TRHDE: variants seen among roughly 807,000 people sequenced by gnomAD.
The protein encoded by TRHDE is thyrotropin releasing hormone degrading enzyme.
A neutral mutation model predicts 125.7 loss-of-function variants in TRHDE; 72 were observed. That is an observed-to-expected ratio of 0.57 (90% confidence interval 0.47 to 0.70). The LOEUF is 0.70. Among genes scored for constraint, TRHDE ranks in the 30% least tolerant of loss-of-function variants. The pLI is 0.00. For synonymous variants in TRHDE, 509 were observed against 509.1 expected, an observed-to-expected ratio of 1.00 and a Z score of 0.00; for missense variants, 1,110 against 1,327.1, an observed-to-expected ratio of 0.84 and a Z score of 2.54.
intron 2 of TRHDE, among the ~76,000 whole-genome samples, chr12:72,376,174 T>C: frequency 6.6e-6 from 1 of 152,198 alleles, no homozygotes; most frequent in East Asian, 1.9e-4. Flanking sequence ...CTCACCAGCG[T>C]AATTCACACT....
At chr12:72,260,728 G>C (rs1878931493) in intron 2 of TRHDE, among the ~76,000 whole-genome samples, 1 of 152,100 alleles carries the variant, frequency 6.6e-6, no homozygotes, top group Non-Finnish European at 1.5e-5. Flanking sequence ...GAAGGGAGTA[G>C]TAAGGGCCAA....
chr12:72,125,475 A>C (rs950552707), intron 2 of TRHDE, among the ~76,000 whole-genome samples: 2 of 152,126 alleles, frequency 1.3e-5, no homozygotes, highest in South Asian at 4.2e-4. Context: ...ACCAGGCAAG[A>C]ACTTCACCCA....
chr12:72,640,136 C>T (rs898555398), intron 15 of TRHDE, among the ~76,000 whole-genome samples: 1 of 152,236 alleles, frequency 6.6e-6, no homozygotes, highest in Non-Finnish European at 1.5e-5. Context: ...TCTCAGACTG[C>T]TGTGCTAGCA....
chr12:72,135,895 G>T (rs1875974597), intron 2 of TRHDE, among the ~76,000 whole-genome samples: 1 of 151,976 alleles, frequency 6.6e-6, no homozygotes, highest in South Asian at 2.1e-4. Context: ...TGACATCACG[G>T]TACTGGGCAG....
chr12:72,584,586 T>G (rs1871367349), intron 12 of TRHDE, among the ~76,000 whole-genome samples: 1 of 152,204 alleles, frequency 6.6e-6, no homozygotes, highest in Non-Finnish European at 1.5e-5. Flanking sequence ...TGGCAACCAC[T>G]GTTCTAGTCT....
intron 18 of TRHDE, among the ~76,000 whole-genome samples, chr12:72,658,750 G>C (rs1197622912): frequency 2.0e-5 from 3 of 152,124 alleles, no homozygotes; most frequent in African/African-American, 4.8e-5. Context: ...CTAAATTATG[G>C]CTTTTATTTC....
intron 2 of TRHDE, among the ~76,000 whole-genome samples, chr12:72,305,058 TA>T (rs1868319955): frequency 6.6e-6 from 1 of 152,162 alleles, no homozygotes; most frequent in African/African-American, 2.4e-5. Context: ...TAACTTTTTC[TA>T]TTAGAATACT....
Position 72,263,544 on chromosome 12 carries a change from G to A in TRHDE, n.280-114451G>A, listed in dbSNP as rs1484352130. ...GCATCTTTTAATTTGCTCCTATACC[G>A]AATCCATAGGAAACTGGATATATGT... is the stretch of plus-strand genomic sequence containing the variant. On this transcript the variant is annotated intron_variant and non_coding_transcript_variant, in intron 2 of 4. Transcript: ENST00000548156. The A allele has an allele frequency of 4.6e-5, 7 of 152,130 alleles. No homozygotes were observed. In the South Asian group the frequency reaches 1.0e-3, roughly 22 times the overall value. The allele number at this position is 152,130 out of a possible 1,614,324, so 9.4% of individuals were successfully genotyped here. A position where few individuals can be genotyped will look rare whatever the true frequency, so the allele number is the denominator to read the frequency against.
chr12:72,427,219 A>G (rs962115748), intron 3 of TRHDE, among the ~76,000 whole-genome samples: 5 of 152,082 alleles, frequency 3.3e-5, no homozygotes, highest in African/African-American at 1.2e-4. Context: ...TCTAGACAGT[A>G]GTATTACCTG....
At chr12:72,638,770 G>A (rs1253692239) in intron 15 of TRHDE, among the ~76,000 whole-genome samples, 1 of 151,856 alleles carries the variant, frequency 6.6e-6, no homozygotes, top group Non-Finnish European at 1.5e-5. Flanking sequence ...ATGAAGCTTA[G>A]TTTGGCTAGA....
chr12:72,670,664 G>T lies in TRHDE; in HGVS notation c.*7469G>T, dbSNP rs754308424. 5 of 151,550 alleles carry T rather than the reference G, an allele frequency of 3.3e-5. No homozygotes were observed. Among genetic ancestry groups the T allele is most frequent in the Non-Finnish European group, 5.9e-5 (4 of 67,782 alleles). 9.4% of individuals were successfully genotyped at this position (151,550 alleles called of 1,614,324 possible). On this transcript the variant is annotated 3_prime_UTR_variant, in exon 19 of 19. Coordinates refer to ENST00000261180, the MANE Select transcript of TRHDE (RefSeq NM_013381.3). ...CATGACTATACACATGCTGAGGCTA[G>T]AATAAAAACATATATTTGTGCTATA...
intron 2 of TRHDE, among the ~76,000 whole-genome samples, chr12:72,133,740 C>T (rs1419590134): frequency 6.6e-6 from 1 of 152,150 alleles, no homozygotes; most frequent in Admixed American, 6.5e-5. Flanking sequence ...GCTGGGTTCT[C>T]TATGGAATAT....
intron 2 of TRHDE, among the ~76,000 whole-genome samples, chr12:72,142,727 A>G (rs370532944): frequency 5.9e-5 from 9 of 152,250 alleles, no homozygotes; most frequent in African/African-American, 2.2e-4. Flanking sequence ...GCAGACCAGC[A>G]GATGGATGGC....
chr12:72,219,471 G>C (rs1238856219), intron 2 of TRHDE, among the ~76,000 whole-genome samples: 1 of 152,124 alleles, frequency 6.6e-6, no homozygotes, highest in Non-Finnish European at 1.5e-5. Flanking sequence ...GCTGCAGTGA[G>C]AGTCATTTTC....
chr12:72,557,762 A>G (rs1374769756), intron 7 of TRHDE, among the ~76,000 whole-genome samples: 1 of 152,092 alleles, frequency 6.6e-6, no homozygotes, highest in Non-Finnish European at 1.5e-5. Flanking sequence ...ATCATTCACA[A>G]TTTTTGGTGA....
At chr12:72,259,001 A>G (rs1002624912) in intron 2 of TRHDE, among the ~76,000 whole-genome samples, 2 of 152,178 alleles carry the variant, frequency 1.3e-5, no homozygotes, top group Admixed American at 1.3e-4. Context: ...TTTCTCCACT[A>G]TAATGTTAAC....
chr12:72,131,304 C>T (rs1025071693), intron 2 of TRHDE, among the ~76,000 whole-genome samples: 1 of 151,784 alleles, frequency 6.6e-6, no homozygotes, highest in Non-Finnish European at 1.5e-5. Flanking sequence ...CATCTCCTGA[C>T]CTTGTGATCC....
At position 72,333,962 on chromosome 12, in the gene TRHDE, G is replaced by A. The variant is rs367735799; in HGVS notation, c.1189-44033G>A. Among the ~76,000 whole-genome samples the A allele has an allele frequency of 2.8e-4, 42 of 152,302 alleles. No homozygotes were observed. In the South Asian group the frequency reaches 7.5e-3, roughly 27 times the overall value. ...AGTTATTTAGGGATTAAAGTCAACC[G>A]TTTGATTTTCTATAGCTAGTGGAAT... On this transcript the variant is annotated intron_variant, in intron 2 of 18. Coordinates refer to ENST00000261180, the MANE Select transcript of TRHDE (RefSeq NM_013381.3).
chr12:72,244,443 A>G (rs1369225656), intron 2 of TRHDE, among the ~76,000 whole-genome samples: 3 of 152,176 alleles, frequency 2.0e-5, no homozygotes, highest in Non-Finnish European at 4.4e-5. Flanking sequence ...AGATAAAAAT[A>G]ATCATCATCC....
Sources: gnomAD v4.1 joint callset for allele counts (sites outside exome capture counted in the v4.1 genomes callset) on GRCh38, gnomAD v4.1.1 for gene constraint, MANE v1.5 for transcripts, NCBI Gene and HGNC (gene_info 2026-07-23, HGNC 2026-07-21) for gene names.